The following LRMDA variants were observed in gnomAD, a reference collection of about 807,000 sequenced individuals.
LRMDA encodes leucine rich melanocyte differentiation associated.
A neutral mutation model predicts 29.8 loss-of-function variants in LRMDA; 18 were observed. That is an observed-to-expected ratio of 0.60 (90% CI 0.42 to 0.90). The LOEUF is 0.90. Ranked by LOEUF, LRMDA falls within the 40% of genes least tolerant of loss-of-function variation. The pLI, the probability that LRMDA is intolerant of heterozygous loss-of-function variation, is 0.00. For synonymous variants in LRMDA, 125 were observed against 109.4 expected (o/e 1.14, Z -0.89); for missense variants, 273 against 273.9 (o/e 1.00, Z 0.02).
intron 5 of LRMDA, among the ~76,000 whole-genome samples, chr10:76,073,518 C>T (rs1392057408): frequency 6.6e-6 from 1 of 152,086 alleles, no homozygotes; most frequent in Non-Finnish European, 1.5e-5. Flanking sequence ...GGATTTTAAC[C>T]TTATGTATAA....
intron 5 of LRMDA, among the ~76,000 whole-genome samples, chr10:76,233,895 C>G (rs1852103526): frequency 6.6e-6 from 1 of 152,160 alleles, no homozygotes; most frequent in African/African-American, 2.4e-5. Context: ...TTGAGCCCCT[C>G]AAAATCATCC....
intron 2 of LRMDA, among the ~76,000 whole-genome samples, chr10:75,602,510 T>A (rs1039437739): frequency 2.2e-4 from 33 of 152,312 alleles, no homozygotes; most frequent in Middle Eastern, 3.4e-3. Context: ...CAAGGTCTAA[T>A]ACGGAGTCTC....
At chr10:75,437,081 G>T (rs1052616008) in intron 1 of LRMDA, among the ~76,000 whole-genome samples, 1 of 152,192 alleles carries the variant, frequency 6.6e-6, no homozygotes, top group Admixed American at 6.5e-5. Flanking sequence ...CTGAAGGAGA[G>T]TGGATATAGG....
intron 2 of LRMDA, among the ~76,000 whole-genome samples, chr10:75,717,537 G>T (rs536731496): frequency 6.6e-6 from 1 of 152,332 alleles, no homozygotes; most frequent in Non-Finnish European, 1.5e-5. Context: ...GCTGCAGCTT[G>T]TCTCTTCTGG....
chr10:75,907,871 T>A (rs73293358), intron 2 of LRMDA, among the ~76,000 whole-genome samples: 1,902 of 152,200 alleles, frequency 0.012, 40 homozygotes, highest in African/African-American at 0.043. Context: ...TAGGAGTAGA[T>A]GTTGAGGTCC....
intron 6 of LRMDA, among the ~76,000 whole-genome samples, chr10:76,343,165 A>G (rs1349315610): frequency 1.3e-5 from 2 of 152,232 alleles, no homozygotes; most frequent in African/African-American, 4.8e-5. Context: ...TCCCAATGCT[A>G]TTTAAACTGT....
intron 6 of LRMDA, among the ~76,000 whole-genome samples, chr10:76,425,149 A>C (rs905192361): frequency 1.1e-4 from 16 of 152,192 alleles, no homozygotes; most frequent in African/African-American, 3.4e-4. Flanking sequence ...CATTTCCACT[A>C]TAACAGATCG....
intron 3 of LRMDA, among the ~76,000 whole-genome samples, chr10:76,040,831 C>G (rs1230950215): frequency 6.6e-6 from 1 of 152,222 alleles, no homozygotes; most frequent in Non-Finnish European, 1.5e-5. Context: ...CATCTTCTGT[C>G]TCCCTATTTG....
intron 5 of LRMDA, among the ~76,000 whole-genome samples, chr10:76,233,973 C>A (rs1432935666): frequency 6.6e-6 from 1 of 152,194 alleles, no homozygotes; most frequent in Admixed American, 6.5e-5. Flanking sequence ...TCCCATGAAT[C>A]ACAAATGTTC....
chr10:75,818,159 A>C (rs542204546), intron 2 of LRMDA, among the ~76,000 whole-genome samples: 2 of 152,248 alleles, frequency 1.3e-5, no homozygotes, highest in Non-Finnish European at 2.9e-5. Flanking sequence ...CCCATTGGCC[A>C]TGGTTAGTCA....
intron 6 of LRMDA, among the ~76,000 whole-genome samples, chr10:76,345,962 T>C (rs890818599): frequency 6.6e-6 from 1 of 152,138 alleles, no homozygotes; most frequent in African/African-American, 2.4e-5. Context: ...AATACTAATA[T>C]AACAGAAAGA....
intron 2 of LRMDA, among the ~76,000 whole-genome samples, chr10:75,586,509 C>T (rs1840657928): frequency 6.6e-6 from 1 of 151,978 alleles, no homozygotes; most frequent in South Asian, 2.1e-4. Context: ...AGGTATGCGC[C>T]ACCATGCCTG....
At chr10:76,104,592 A>G (rs1156983183) in intron 5 of LRMDA, among the ~76,000 whole-genome samples, 1 of 151,994 alleles carries the variant, frequency 6.6e-6, no homozygotes, top group Non-Finnish European at 1.5e-5. Flanking sequence ...GGCCACGGCT[A>G]TCTGCTCTGG....
intron 6 of LRMDA, among the ~76,000 whole-genome samples, chr10:76,460,572 C>T (rs928091470): frequency 1.3e-5 from 2 of 152,246 alleles, no homozygotes; most frequent in Non-Finnish European, 2.9e-5. Flanking sequence ...CTATTTTTCT[C>T]TGACTAGACA....
chr10:76,376,123 G>T (rs1196285692), intron 6 of LRMDA, among the ~76,000 whole-genome samples: 2 of 151,942 alleles, frequency 1.3e-5, no homozygotes, highest in Non-Finnish European at 2.9e-5. Flanking sequence ...TTCCCAATAG[G>T]TAATTTCTCA....
intron 2 of LRMDA, among the ~76,000 whole-genome samples, chr10:76,005,978 GTTC>G (rs1445596279): frequency 6.6e-6 from 1 of 151,332 alleles, no homozygotes; most frequent in African/African-American, 2.4e-5. Flanking sequence ...CTGAGACTTA[GTTC>G]TTCTTAGGAA....
At chr10:76,160,666 G>A (rs549513125) in intron 5 of LRMDA, among the ~76,000 whole-genome samples, 37 of 152,030 alleles carry the variant, frequency 2.4e-4, no homozygotes, top group African/African-American at 8.9e-4. Flanking sequence ...TAAAAAATTG[G>A]CCTTAAAATA....
chr10:76,268,124 A>T (rs1185680721), intron 5 of LRMDA, among the ~76,000 whole-genome samples: 1 of 152,192 alleles, frequency 6.6e-6, no homozygotes, highest in Admixed American at 6.5e-5. Flanking sequence ...TGGAACAGAA[A>T]TGAAGAGGAG....
chr10:75,896,208 T>C (rs1163594969), intron 2 of LRMDA, among the ~76,000 whole-genome samples: 1 of 152,176 alleles, frequency 6.6e-6, no homozygotes, highest in African/African-American at 2.4e-5. Context: ...TGTTAGTGGG[T>C]GCAACACAAA....
Sources: allele counts gnomAD v4.1 joint callset (sites outside exome capture counted in the v4.1 genomes callset), GRCh38; gene constraint gnomAD v4.1.1; transcripts MANE v1.5; gene names NCBI Gene and HGNC (gene_info 2026-07-23, HGNC 2026-07-21).